The following MUC13 variants were observed in gnomAD, a reference collection of about 807,000 sequenced individuals.
The protein encoded by MUC13 is mucin-13.
Under a neutral mutation model 48.3 loss-of-function variants are expected in MUC13, and 32 were observed. The observed-to-expected ratio is 0.66, with a 90% CI of 0.50 to 0.89. The LOEUF is 0.89. Ranked by LOEUF, MUC13 falls within the 40% of genes least tolerant of loss-of-function variation. The pLI is 0.00. For missense variants in MUC13, 571 were observed against 622.8 expected, an observed-to-expected ratio of 0.92 and a Z score of 0.88; for synonymous variants, 199 against 224.9, an observed-to-expected ratio of 0.88 and a Z score of 1.03.
At chr3:124,921,228 C>T (rs531407682) in intron 4 of MUC13, among the ~76,000 whole-genome samples, 11 of 151,980 alleles carry the variant, frequency 7.2e-5, no homozygotes, top group Non-Finnish European at 1.5e-4. Context: ...TGGGTCACTG[C>T]AACCTCCACC....
chr3:124,928,786 G>A (rs1420365998), intron 1 of MUC13, among the ~76,000 whole-genome samples: 1 of 152,200 alleles, frequency 6.6e-6, no homozygotes, highest in Non-Finnish European at 1.5e-5. Flanking sequence ...CATTCTCAGT[G>A]AGGACAATTG....
chr3:124,932,032 C>G (rs1052477443), intron 1 of MUC13, among the ~76,000 whole-genome samples: 1 of 151,754 alleles, frequency 6.6e-6, no homozygotes, highest in Non-Finnish European at 1.5e-5. Context: ...GCAACAAGAA[C>G]AAAACTCTGT....
chr3:124,930,586 G>A (rs1935778075), intron 1 of MUC13, among the ~76,000 whole-genome samples: 1 of 152,074 alleles, frequency 6.6e-6, no homozygotes, highest in African/African-American at 2.4e-5. Context: ...TATTTCCTTA[G>A]GTCCTAAAGC....
In MUC13 at chr3:124,908,214, G is replaced by A; in HGVS notation, c.1472C>T (p.Ala491Val). The change falls in exon 11 of 12, where the codon GCC (alanine) becomes GTC (valine). Residue 491 changes from alanine to valine, a missense_variant. Transcript: ENST00000616727. ...ATTTTGCATCTGGCTGTCTCTGGAG[G>A]CCGTTATCCTGACCTTAGGAAAGAC... ...GSVFPKVRIT[A>V]SRDSQMQNPY... The A allele has an allele frequency of 6.2e-7, 1 of 1,614,114 alleles. No individual in the cohort carries two copies. The highest frequency in any genetic ancestry group is 8.5e-7 in the Non-Finnish European group (1 of 1,180,036).
chr3:124,931,732 G>A (rs1282768380), intron 1 of MUC13, among the ~76,000 whole-genome samples: 1 of 140,530 alleles, frequency 7.1e-6, no homozygotes, highest in Non-Finnish European at 1.5e-5. Flanking sequence ...TGGGCGACAA[G>A]AGCAAAACTC....
At chr3:124,907,715 G>T (rs551081466) in intron 11 of MUC13, among the ~76,000 whole-genome samples, 2 of 152,018 alleles carry the variant, frequency 1.3e-5, no homozygotes, top group Non-Finnish European at 2.9e-5. Context: ...GAAAGAGAGC[G>T]TTGCCTTTAC....
intron 10 of MUC13, among the ~76,000 whole-genome samples, chr3:124,908,803 G>T (rs781434566): frequency 6.6e-6 from 1 of 152,152 alleles, no homozygotes; most frequent in Non-Finnish European, 1.5e-5. Context: ...ATTTCATTCA[G>T]CAAAGTCAAC....
intron 10 of MUC13, 48 bp downstream of exon 10, chr3:124,910,367 T>C (rs766596686): frequency 6.3e-7 from 1 of 1,587,192 alleles, no homozygotes; most frequent in Admixed American, 1.8e-5. Context: ...GACCCCCCCA[T>C]CTCTCTATAA....
In MUC13 at chr3:124,906,683, C is replaced by T. The variant is rs967155203; in HGVS notation, c.*60G>A. On this transcript the variant is annotated 3_prime_UTR_variant, in exon 12 of 12. Coordinates refer to ENST00000616727, the MANE Select transcript of MUC13 (RefSeq NM_033049.4). ...ACTTCTCCATCAGTCTTTCTAAACA[C>T]TCTAAATAATAGCTTGTACATTGGT... 1 of 152,160 alleles carries T rather than the reference C, an allele frequency of 6.6e-6. No homozygotes were observed. The highest frequency in any genetic ancestry group is 6.6e-5 in the Admixed American group (1 of 15,266). The allele number at this position is 152,160 out of a possible 1,614,324, so 9.4% of individuals were successfully genotyped here.
At chr3:124,927,432 C>T in intron 2 of MUC13, 100 bp downstream of exon 2, 1 of 1,162,822 alleles carries the variant, frequency 8.6e-7, no homozygotes, top group Non-Finnish European at 1.2e-6. Flanking sequence ...CCTTGGGCCT[C>T]TTTAGACCCA....
At chr3:124,917,748 C>T (rs1437046881) in intron 5 of MUC13, among the ~76,000 whole-genome samples, 5 of 948 alleles carry the variant, frequency 5.3e-3, no homozygotes, top group South Asian at 0.038. Flanking sequence ...TTTGGTGGGG[C>T]GGGGGCGGGG....
chr3:124,928,437 A>G (rs1909579), intron 1 of MUC13, among the ~76,000 whole-genome samples: 150,836 of 152,314 alleles, frequency 0.99, 74,696 homozygotes, highest in Middle Eastern at 1. Context: ...GGAGTGCAGT[A>G]GTGTGATCAT....
At chr3:124,928,582 T>C (rs1935736583) in intron 1 of MUC13, among the ~76,000 whole-genome samples, 1 of 152,090 alleles carries the variant, frequency 6.6e-6, no homozygotes, top group Non-Finnish European at 1.5e-5. Context: ...GGTCTCACTA[T>C]GCTGGCTAGG....
Position 124,927,605 on chromosome 3 carries a change from G to C in MUC13, c.441C>G (p.Thr147=). 1.9e-6 allele frequency: 3 copies of C among 1,614,174 alleles called. No homozygotes were observed. Among genetic ancestry groups the C allele is most frequent in the Admixed American group, 1.7e-5 (1 of 60,018 alleles). The part of the protein sequence containing the change: ...ETQSNNEMSP[T]TEDNQSSGPP... ...GCCCTGATGATTGATTGTCTTCTGTGGTGGGGGACATTTCATTGTTACTTT... is the reference window on the plus strand; with the variant it reads ...GCCCTGATGATTGATTGTCTTCTGTCGTGGGGGACATTTCATTGTTACTTT... The change falls in exon 2 of 12, where the codon ACC becomes ACG. Residue 147 remains threonine, a synonymous_variant. Coordinates refer to ENST00000616727, the MANE Select transcript of MUC13 (RefSeq NM_033049.4).
At chr3:124,908,982 C>T (rs1254059880) in intron 10 of MUC13, among the ~76,000 whole-genome samples, 3 of 152,110 alleles carry the variant, frequency 2.0e-5, no homozygotes, top group South Asian at 2.1e-4. Flanking sequence ...GGTGAAACCT[C>T]GTCTCCACTA....
At chr3:124,930,755 G>A (rs1935782141) in intron 1 of MUC13, among the ~76,000 whole-genome samples, 2 of 152,172 alleles carry the variant, frequency 1.3e-5, no homozygotes, top group Non-Finnish European at 2.9e-5. Context: ...AAAGCTAGCT[G>A]AAAGTCACAA....
At chr3:124,922,926 T>C (rs1935626802) in intron 3 of MUC13, among the ~76,000 whole-genome samples, 1 of 152,124 alleles carries the variant, frequency 6.6e-6, no homozygotes, top group South Asian at 2.1e-4. Context: ...ACTGTTCTTC[T>C]GTATTTGGGG....
Position 124,906,023 on chromosome 3 carries a change from C to T in MUC13, c.*720G>A, listed in dbSNP as rs1559995439. 6.6e-6 allele frequency: 1 copy of T among 152,628 alleles called. No homozygotes were observed. Among genetic ancestry groups the T allele is most frequent in the Admixed American group, 6.6e-5 (1 of 15,264 alleles). 9.5% of individuals were successfully genotyped at this position (152,628 alleles called of 1,614,324 possible). A position where few individuals can be genotyped will look rare whatever the true frequency, so the allele number is the denominator to read the frequency against. On this transcript the variant is annotated 3_prime_UTR_variant, in exon 12 of 12. Transcript: ENST00000616727. ...CTGCCCCTTCTGCCTCCTAGCATTT[C>T]AAAAACTGTAGAGTGCACCCCATAG...
rs371716194 is a variant in MUC13 at position 124,929,258 on chromosome 3, G to A, written c.53-1265C>T. On this transcript the variant is annotated intron_variant, in intron 1 of 11. Coordinates refer to ENST00000616727, the MANE Select transcript of MUC13 (RefSeq NM_033049.4). Reference sequence around the variant, plus strand: ...TGGTGCCATAATAGCTCACTGCAGCGCTGAAACTCCTGGGCTCAAGTGATC... The same window carrying A: ...TGGTGCCATAATAGCTCACTGCAGCACTGAAACTCCTGGGCTCAAGTGATC... Among the ~76,000 whole-genome samples, 252 of 150,896 alleles carry A rather than the reference G, an allele frequency of 1.7e-3. 4 individuals are homozygous for A. The highest frequency in any genetic ancestry group is 0.016 in the South Asian group (75 of 4,764).
Sources: gnomAD v4.1 joint callset for allele counts (sites outside exome capture counted in the v4.1 genomes callset) on GRCh38, gnomAD v4.1.1 for gene constraint, MANE v1.5 for transcripts, NCBI Gene and HGNC (gene_info 2026-07-23, HGNC 2026-07-21) for gene names.